Variants in DLC1 observed in about 807,000 individuals in gnomAD.
The protein encoded by DLC1 is DLC1 Rho GTPase activating protein, also known as rho GTPase-activating protein 7.
In DLC1, 54 loss-of-function variants were observed where a neutral mutation model predicts 140.3. The ratio of observed to expected loss-of-function variants is 0.38; its 90% confidence interval spans 0.31 to 0.48. The LOEUF (loss-of-function observed/expected upper bound fraction) is 0.48. Among genes scored for constraint, DLC1 ranks in the 20% least tolerant of loss-of-function variants. DLC1 has a pLI of 0.96. For synonymous variants in DLC1, 986 were observed against 728.1 expected (o/e 1.35, Z -5.70); for missense variants, 2,536 against 1,907.0 (o/e 1.33, Z -6.14).
intron 5 of DLC1, among the ~76,000 whole-genome samples, chr8:13,154,713 G>T (rs936157742): frequency 6.6e-6 from 1 of 152,194 alleles, no homozygotes; most frequent in African/African-American, 2.4e-5. Flanking sequence ...CTGAGGAGGC[G>T]CCGAGAGCGA....
At chr8:13,182,928 A>G (rs1386107116) in intron 5 of DLC1, among the ~76,000 whole-genome samples, 1 of 152,030 alleles carries the variant, frequency 6.6e-6, no homozygotes, top group South Asian at 2.1e-4. Flanking sequence ...CATTTTCAGG[A>G]TATTGATTCT....
chr8:13,110,061 T>A (rs939635105), intron 7 of DLC1, among the ~76,000 whole-genome samples: 13 of 152,122 alleles, frequency 8.5e-5, no homozygotes, highest in African/African-American at 3.1e-4. Flanking sequence ...TTAGAAAGGA[T>A]GAAAAACTTA....
chr8:13,151,291 A>G (rs547050028), intron 5 of DLC1, among the ~76,000 whole-genome samples: 2 of 152,218 alleles, frequency 1.3e-5, no homozygotes, highest in Admixed American at 6.5e-5. Flanking sequence ...GCATAATGAT[A>G]ATACACATTC....
intron 2 of DLC1, among the ~76,000 whole-genome samples, chr8:13,403,807 G>GTT (rs369715973): frequency 0.19 from 16,821 of 86,328 alleles, 1,008 homozygotes; most frequent in Non-Finnish European, 0.24. Context: ...AGGTCTGGCT[G>GTT]TTTTTTTTTT....
At chr8:13,333,568 G>C (rs1313503331) in intron 4 of DLC1, among the ~76,000 whole-genome samples, 2 of 152,166 alleles carry the variant, frequency 1.3e-5, no homozygotes, top group Admixed American at 1.3e-4. Context: ...CATTTTCTAA[G>C]ACTGAAACTG....
intron 4 of DLC1, among the ~76,000 whole-genome samples, chr8:13,323,386 A>G (rs747717363): frequency 2.0e-5 from 3 of 152,234 alleles, no homozygotes; most frequent in African/African-American, 4.8e-5. Context: ...TTCAAAGACA[A>G]TATAAAAATT....
chr8:13,305,242 G>C (rs767185189), intron 5 of DLC1, 27 bp downstream of exon 5: 4 of 1,607,670 alleles, frequency 2.5e-6, no homozygotes, highest in Non-Finnish European at 3.4e-6. Flanking sequence ...AGATTGGCGA[G>C]AAAACAGAAC....
intron 1 of DLC1, among the ~76,000 whole-genome samples, chr8:13,598,961 T>C (rs541094374): frequency 3.3e-5 from 5 of 152,024 alleles, no homozygotes; most frequent in African/African-American, 4.8e-5. Context: ...TAAAATAACC[T>C]ATAGTTATAC....
intron 2 of DLC1, among the ~76,000 whole-genome samples, chr8:13,455,888 A>T (rs555789590): frequency 6.6e-6 from 1 of 152,290 alleles, no homozygotes; most frequent in East Asian, 1.9e-4. Flanking sequence ...CTCAAAAAAT[A>T]AATAAATACA....
At chr8:13,343,215 C>T (rs964785695) in intron 4 of DLC1, among the ~76,000 whole-genome samples, 1 of 152,156 alleles carries the variant, frequency 6.6e-6, no homozygotes, top group Non-Finnish European at 1.5e-5. Context: ...ATTGGGTCAT[C>T]CATGAATACC....
chr8:13,358,652 G>A (rs763616102), intron 4 of DLC1, among the ~76,000 whole-genome samples: 1 of 151,082 alleles, frequency 6.6e-6, no homozygotes, highest in Non-Finnish European at 1.5e-5. Context: ...AAGTTTTCTA[G>A]TACCCTCAAA....
intron 5 of DLC1, among the ~76,000 whole-genome samples, chr8:13,129,613 C>G (rs952181473): frequency 6.6e-6 from 1 of 152,336 alleles, no homozygotes; most frequent in East Asian, 1.9e-4. Context: ...TAGATCCCAA[C>G]TCATGTAATT....
intron 4 of DLC1, among the ~76,000 whole-genome samples, chr8:13,358,239 C>G (rs962790759): frequency 1.3e-5 from 2 of 152,208 alleles, no homozygotes; most frequent in African/African-American, 4.8e-5. Context: ...TTCCATCCTA[C>G]AAACACGCAT....
At chr8:13,219,741 C>T (rs1585938800) in intron 5 of DLC1, among the ~76,000 whole-genome samples, 1 of 151,922 alleles carries the variant, frequency 6.6e-6, no homozygotes, top group African/African-American at 2.4e-5. Flanking sequence ...TTCATTGCAG[C>T]ACTATTTATA....
chr8:13,135,721 C>G (rs560360837), intron 5 of DLC1, among the ~76,000 whole-genome samples: 5 of 152,128 alleles, frequency 3.3e-5, no homozygotes, highest in African/African-American at 1.2e-4. Flanking sequence ...AAGTTGTATT[C>G]TAATTTAATT....
chr8:13,435,309 G>A (rs1839069077), intron 2 of DLC1, among the ~76,000 whole-genome samples: 1 of 152,004 alleles, frequency 6.6e-6, no homozygotes, highest in African/African-American at 2.4e-5. Flanking sequence ...TGGATGAGGA[G>A]TTGTTTTTTC....
In DLC1 at chr8:13,128,070, C is replaced by T. The variant is rs141704550; in HGVS notation, c.1349-12413G>A. Among the ~76,000 whole-genome samples the T allele has an allele frequency of 7.7e-3, 1,167 of 151,628 alleles. 18 individuals are homozygous for T. Among genetic ancestry groups the T allele is most frequent in the African/African-American group, 0.027 (1,128 of 41,366 alleles). On this transcript the variant is annotated intron_variant, in intron 5 of 17. Transcript: ENST00000276297. Reference sequence around the variant, plus strand: ...AAAAAAAACCCCAAAAAAACAACAACCAAAAAACCCCAAGGCTGATGAATG... The same window carrying T: ...AAAAAAAACCCCAAAAAAACAACAATCAAAAAACCCCAAGGCTGATGAATG...
chr8:13,188,801 G>GTA lies in DLC1; in HGVS notation c.1349-73146_1349-73145dup, dbSNP rs1237501850. Among the ~76,000 whole-genome samples the GTA allele has an allele frequency of 3.3e-3, 235 of 71,846 alleles. 1 individual carries two copies. The highest frequency in any genetic ancestry group is 0.029 in the Middle Eastern group (4 of 136). 47.1% of individuals were successfully genotyped at this position (71,846 alleles called of 152,430 possible). A position where few individuals can be genotyped will look rare whatever the true frequency, so the allele number is the denominator to read the frequency against. ...AATGTGTGTGTGTGTGTGTGTGTGT[G>GTA]TATATATATATATATATATATATAT... On this transcript the variant is annotated intron_variant, in intron 5 of 17. Transcript: ENST00000276297.
At position 13,316,090 on chromosome 8, in the gene DLC1, C is replaced by G. The variant is rs1832850636; in HGVS notation, c.1315-10788G>C. Among the ~76,000 whole-genome samples, 4 of 152,328 alleles carry G rather than the reference C, an allele frequency of 2.6e-5. No homozygotes were observed. The South Asian group carries it at 8.3e-4, about 32-fold the overall frequency. The stretch of plus-strand genomic sequence containing the variant: ...TCAAGAACAGCACGCAGGTTGCGCA[C>G]TGGCTTAACAAAGTACACTCAGACA... On this transcript the variant is annotated intron_variant, in intron 4 of 17. Transcript: ENST00000276297.
Sources: allele counts gnomAD v4.1 joint callset (sites outside exome capture counted in the v4.1 genomes callset), GRCh38; gene constraint gnomAD v4.1.1; transcripts MANE v1.5; gene names NCBI Gene and HGNC (gene_info 2026-07-23, HGNC 2026-07-21).